CDYL2: variants seen among roughly 807,000 people sequenced by gnomAD.
CDYL2 encodes the protein chromodomain Y like 2.
In CDYL2, 23 loss-of-function variants were observed where a neutral mutation model predicts 49.4. The ratio of observed to expected loss-of-function variants is 0.47; its 90% CI spans 0.34 to 0.66. The LOEUF is 0.66. CDYL2 is among the 30% of genes least tolerant of loss of function. CDYL2 has a pLI of 0.01. For synonymous variants in CDYL2, 360 were observed against 268.8 expected (o/e 1.34, Z -3.32); for missense variants, 678 against 656.4 (o/e 1.03, Z -0.36).
At chr16:80,723,850 T>G (rs1905080494) in intron 1 of CDYL2, among the ~76,000 whole-genome samples, 6 of 139,584 alleles carry the variant, frequency 4.3e-5, no homozygotes, top group South Asian at 2.2e-4. Context: ...CAGAGGAGAG[T>G]GAGGAACAGG....
At chr16:80,700,284 C>T (rs540084784) in intron 1 of CDYL2, among the ~76,000 whole-genome samples, 3 of 152,318 alleles carry the variant, frequency 2.0e-5, no homozygotes, top group South Asian at 2.1e-4. Flanking sequence ...TTAAGACTTA[C>T]AGTGGAGAAG....
chr16:80,748,678 A>G (rs1022300920), intron 1 of CDYL2, among the ~76,000 whole-genome samples: 2 of 152,086 alleles, frequency 1.3e-5, no homozygotes, highest in African/African-American at 2.4e-5. Context: ...AAACAACCCA[A>G]TGCATTATTA....
intron 4 of CDYL2, among the ~76,000 whole-genome samples, chr16:80,618,695 G>A (rs1470460963): frequency 6.6e-6 from 1 of 152,150 alleles, no homozygotes; most frequent in Non-Finnish European, 1.5e-5. Context: ...CCTCATCACC[G>A]TCAACCCAGG....
At position 80,751,254 on chromosome 16, in the gene CDYL2, C is replaced by G. The variant is rs143122761; in HGVS notation, c.24+52896G>C. ...GTCCCTGCCAAGAGGAGGAGAAAAGCTGGTAAGTTACTTCATCTGTTCTAA... is the reference window on the plus strand; with the variant it reads ...GTCCCTGCCAAGAGGAGGAGAAAAGGTGGTAAGTTACTTCATCTGTTCTAA... On this transcript the variant is annotated intron_variant, in intron 1 of 6. Transcript: ENST00000570137. Among the ~76,000 whole-genome samples the G allele has an allele frequency of 2.5e-3, 380 of 152,334 alleles. 7 individuals carry two copies. The highest frequency in any genetic ancestry group is 0.022 in the Admixed American group (330 of 15,304).
At chr16:80,722,225 T>C (rs1390726698) in intron 1 of CDYL2, among the ~76,000 whole-genome samples, 1 of 152,004 alleles carries the variant, frequency 6.6e-6, no homozygotes, top group Non-Finnish European at 1.5e-5. Flanking sequence ...ATAAAATGAA[T>C]AAATAAGTGA....
intron 2 of CDYL2, among the ~76,000 whole-genome samples, chr16:80,662,553 T>G (rs1411020505): frequency 6.6e-6 from 1 of 152,146 alleles, no homozygotes; most frequent in East Asian, 1.9e-4. Flanking sequence ...ACCAGATGCT[T>G]AGCACCTGGG....
intron 1 of CDYL2, among the ~76,000 whole-genome samples, chr16:80,712,087 GTGTATATATATGTGTATATA>G (rs1236311023): frequency 6.7e-6 from 1 of 149,030 alleles, no homozygotes; most frequent in East Asian, 2.0e-4. Context: ...ATAGATGTGT[GTGTATATATATGTGTATATA>G]TGTGTATATA....
At chr16:80,615,261 G>A (rs970488368) in intron 4 of CDYL2, among the ~76,000 whole-genome samples, 3 of 152,168 alleles carry the variant, frequency 2.0e-5, no homozygotes, top group Admixed American at 6.5e-5. Context: ...TTAGGTCACT[G>A]GTTTTTGCAA....
At chr16:80,643,943 T>C (rs1271342675) in intron 2 of CDYL2, among the ~76,000 whole-genome samples, 6 of 152,240 alleles carry the variant, frequency 3.9e-5, no homozygotes, top group Non-Finnish European at 8.8e-5. Context: ...CTTATGCAAA[T>C]GTCTGAAGTT....
At chr16:80,627,945 G>A (rs1026007857) in intron 3 of CDYL2, 1 of 152,208 alleles carries the variant, frequency 6.6e-6, no homozygotes, top group Non-Finnish European at 1.5e-5. Flanking sequence ...TCCGGCGTGG[G>A]TTTACACCCA....
chr16:80,702,704 C>T (rs1374207136), intron 1 of CDYL2, among the ~76,000 whole-genome samples: 1 of 152,148 alleles, frequency 6.6e-6, no homozygotes, highest in Admixed American at 6.6e-5. Flanking sequence ...GGGCTATGAT[C>T]GTACCACTGC....
chr16:80,713,325 A>G (rs78873658), intron 1 of CDYL2, among the ~76,000 whole-genome samples: 3,024 of 152,342 alleles, frequency 0.02, 28 homozygotes, highest in African/African-American at 0.029. Flanking sequence ...GAAGTCTGCA[A>G]TCATTCAAGA....
intron 1 of CDYL2, among the ~76,000 whole-genome samples, chr16:80,741,410 A>T (rs1396487056): frequency 1.3e-5 from 2 of 152,094 alleles, no homozygotes; most frequent in African/African-American, 4.8e-5. Context: ...TTACAGAAAA[A>T]CATAAAAGCT....
At chr16:80,669,284 G>A (rs965797939) in intron 2 of CDYL2, among the ~76,000 whole-genome samples, 3 of 152,232 alleles carry the variant, frequency 2.0e-5, no homozygotes, top group Admixed American at 1.3e-4. Context: ...GTGCCAAGAA[G>A]GGGAAGCAGA....
At chr16:80,740,957 C>T (rs1347863716) in intron 1 of CDYL2, among the ~76,000 whole-genome samples, 3 of 151,374 alleles carry the variant, frequency 2.0e-5, no homozygotes, top group Non-Finnish European at 4.4e-5. Context: ...CAATCAAAAC[C>T]CCATCTGGAT....
chr16:80,637,105 T>C (rs56301423), intron 2 of CDYL2, among the ~76,000 whole-genome samples: 8,988 of 151,932 alleles, frequency 0.059, 808 homozygotes, highest in African/African-American at 0.2. Context: ...CTAATATAGA[T>C]GACAGGTTGA....
chr16:80,667,199 C>T (rs1000367831), intron 2 of CDYL2, among the ~76,000 whole-genome samples: 3 of 152,180 alleles, frequency 2.0e-5, no homozygotes, highest in Admixed American at 6.5e-5. Context: ...GAGGGAGTCA[C>T]ACATGCAGAA....
At chr16:80,753,432 A>C (rs1361108503) in intron 1 of CDYL2, among the ~76,000 whole-genome samples, 1 of 152,106 alleles carries the variant, frequency 6.6e-6, no homozygotes, top group Non-Finnish European at 1.5e-5. Context: ...AACATGGAGA[A>C]ACCCCATCTC....
At chr16:80,624,462 T>C (rs72824137) in intron 3 of CDYL2, among the ~76,000 whole-genome samples, 3,645 of 152,246 alleles carry the variant, frequency 0.024, 56 homozygotes, top group Non-Finnish European at 0.039. Context: ...AGGCTAGTAA[T>C]ATCCCTGAGG....
Sources: allele counts gnomAD v4.1 joint callset (sites outside exome capture counted in the v4.1 genomes callset), GRCh38; gene constraint gnomAD v4.1.1; transcripts MANE v1.5; gene names NCBI Gene and HGNC (gene_info 2026-07-23, HGNC 2026-07-21).